Variants in ACBD6 observed in about 807,000 individuals in gnomAD.
The protein encoded by ACBD6 is acyl-CoA binding domain containing 6, also known as acyl-CoA-binding domain-containing protein 6.
ACBD6 carries 28 observed loss-of-function variants against 37.2 expected under a neutral mutation model. The observed-to-expected ratio is 0.75, with a 90% confidence interval of 0.56 to 1.03. The LOEUF (loss-of-function observed/expected upper bound fraction) is 1.03, where lower values mean the gene tolerates loss of function less well. Among genes scored for constraint, ACBD6 ranks in the 50% least tolerant of loss-of-function variants. The pLI is 0.00. For missense variants in ACBD6, 340 were observed against 337.4 expected (o/e 1.01, Z -0.06); for synonymous variants, 113 against 126.8 (o/e 0.89, Z 0.73).
At chr1:180,286,320 C>T (rs1409451731), downstream of ACBD6, among the ~76,000 whole-genome samples, 2 of 152,046 alleles carry the variant, frequency 1.3e-5, no homozygotes, top group Non-Finnish European at 2.9e-5. Flanking sequence ...AAAATCTATA[C>T]AGTTTTAGAT....
At chr1:180,500,771 G>C (rs1451060214) in intron 1 of ACBD6, among the ~76,000 whole-genome samples, 1 of 143,732 alleles carries the variant, frequency 7.0e-6, no homozygotes, top group African/African-American at 2.6e-5. Context: ...CAGGTGGATC[G>C]TCTGAGCTCA....
At chr1:180,283,078 G>T (rs1471883753) in intron 8 of ACBD6, among the ~76,000 whole-genome samples, 1 of 142,926 alleles carries the variant, frequency 7.0e-6, no homozygotes, top group Non-Finnish European at 1.5e-5. Flanking sequence ...TGTACTCCAT[G>T]AAAGCCATGG....
At chr1:180,489,465 G>A (rs888883193) in intron 3 of ACBD6, among the ~76,000 whole-genome samples, 2 of 150,834 alleles carry the variant, frequency 1.3e-5, no homozygotes, top group African/African-American at 4.9e-5. Flanking sequence ...AGAATAGTAT[G>A]TTATATATTC....
chr1:180,500,617 CG>C (rs1651926423), intron 1 of ACBD6, among the ~76,000 whole-genome samples: 1 of 149,976 alleles, frequency 6.7e-6, no homozygotes. Context: ...TCGCTTGAAC[CG>C]GGGAGGTAGA....
intron 6 of ACBD6, among the ~76,000 whole-genome samples, chr1:180,317,756 CT>C (rs772845367): frequency 1.2e-4 from 19 of 152,128 alleles, no homozygotes; most frequent in Non-Finnish European, 2.8e-4. Context: ...CAAGTGTGAT[CT>C]TTTTGTCACT....
intron 3 of ACBD6, among the ~76,000 whole-genome samples, chr1:180,436,388 T>G (rs1649037451): frequency 6.6e-6 from 1 of 152,214 alleles, no homozygotes; most frequent in Non-Finnish European, 1.5e-5. Flanking sequence ...CATATCTTCA[T>G]GACCTGTTCC....
At chr1:180,391,392 T>C (rs1446548595) in intron 6 of ACBD6, among the ~76,000 whole-genome samples, 1 of 152,160 alleles carries the variant, frequency 6.6e-6, no homozygotes, top group Non-Finnish European at 1.5e-5. Flanking sequence ...AGAAAGTATC[T>C]GCAAATCACA....
chr1:180,274,621 G>T, intron 10 of ACBD6: 7 of 1,513,174 alleles, frequency 4.6e-6, no homozygotes, highest in Non-Finnish European at 5.3e-6. Context: ...TGGCTTGAGA[G>T]AATATCTTCA....
At chr1:180,390,186 G>A (rs1289201553) in intron 6 of ACBD6, among the ~76,000 whole-genome samples, 1 of 152,084 alleles carries the variant, frequency 6.6e-6, no homozygotes, top group Non-Finnish European at 1.5e-5. Context: ...TGTAGAAGGT[G>A]TAAGGAAGGG....
At chr1:180,442,097 C>T (rs1315520080) in intron 3 of ACBD6, among the ~76,000 whole-genome samples, 1 of 152,218 alleles carries the variant, frequency 6.6e-6, no homozygotes, top group Non-Finnish European at 1.5e-5. Flanking sequence ...CTATTGACTT[C>T]AGATTTCTGA....
chr1:180,426,426 T>C (rs1363698300), intron 4 of ACBD6, among the ~76,000 whole-genome samples: 1 of 152,198 alleles, frequency 6.6e-6, no homozygotes, highest in Non-Finnish European at 1.5e-5. Flanking sequence ...TGCAGAATCA[T>C]CTTACTCTAC....
chr1:180,314,524 T>C (rs2764433), intron 7 of ACBD6, among the ~76,000 whole-genome samples, 168 bp downstream of exon 7: 145,679 of 152,330 alleles, frequency 0.96, 69,734 homozygotes, highest in East Asian at 0.99. Context: ...GGATTACAGG[T>C]GTGAGCCCTC....
chr1:180,453,477 A>T (rs1163272674), intron 3 of ACBD6, among the ~76,000 whole-genome samples: 1 of 152,244 alleles, frequency 6.6e-6, no homozygotes, highest in African/African-American at 2.4e-5. Flanking sequence ...TTCCCTTTGA[A>T]AACTGGTGGA....
At chr1:180,286,376 C>T (rs1047746124), downstream of ACBD6, among the ~76,000 whole-genome samples, 1 of 152,128 alleles carries the variant, frequency 6.6e-6, no homozygotes, top group South Asian at 2.1e-4. Flanking sequence ...ATATCAAGTT[C>T]GAACTGCTAA....
rs553765229 is a variant in ACBD6 at position 180,411,035 on chromosome 1, T to G, written c.573+2331A>C. On this transcript the variant is annotated intron_variant, in intron 5 of 7. Transcript: ENST00000367595. The stretch of plus-strand genomic sequence containing the variant: ...TTCCAACCTTCATGGATGACACAGA[T>G]AAGGATTCAAGACTTCAGTGGAAAA... Among the ~76,000 whole-genome samples the G allele has an allele frequency of 7.9e-5, 12 of 152,276 alleles. No homozygotes were observed. In the East Asian group the frequency reaches 2.3e-3, roughly 29 times the overall value.
intron 3 of ACBD6, among the ~76,000 whole-genome samples, chr1:180,466,892 T>C (rs1650368330): frequency 6.6e-6 from 1 of 152,122 alleles, no homozygotes; most frequent in Non-Finnish European, 1.5e-5. Context: ...TTTAGAATAA[T>C]GCCCCAGTTT....
rs535320229 is a variant in ACBD6, at chr1:180,337,129, G to C, written c.664-22407C>G. ...AAACTATTCCAATTAATAGAAAAGAGGGAATCCTCCCTAACTCATTTTATG... is the reference window on the plus strand; with the variant it reads ...AAACTATTCCAATTAATAGAAAAGACGGAATCCTCCCTAACTCATTTTATG... On this transcript the variant is annotated intron_variant, in intron 6 of 7. Coordinates refer to ENST00000367595, the MANE Select transcript of ACBD6 (RefSeq NM_032360.4). Among the ~76,000 whole-genome samples, 727 of 152,264 alleles carry C rather than the reference G, an allele frequency of 4.8e-3. 5 individuals are homozygous for C. Among genetic ancestry groups the C allele is most frequent in the African/African-American group, 0.015 (606 of 41,544 alleles).
At position 180,413,386 on chromosome 1, in the gene ACBD6, C is replaced by T. The variant is rs368988217; in HGVS notation, c.553G>A (p.Val185Met). ...TKAIKSKNVDVNVKDEEGRAL... is the reference protein window; with the variant it reads ...TKAIKSKNVDMNVKDEEGRAL... ...CATACCTCTTCATCTTTCACATTCA[C>T]ATCCACATTTTTCGATTTGATGGCT... The change falls in exon 5 of 8, where the codon GTG becomes ATG. Residue 185 changes from valine (V) to methionine (M), a missense_variant. By Grantham distance (21) the Val-to-Met change is conservative (BLOSUM62 1). Transcript: ENST00000367595. 1.2e-6 allele frequency: 2 copies of T among 1,612,866 alleles called. No homozygotes were observed. Among genetic ancestry groups the T allele is most frequent in the Non-Finnish European group, 1.7e-6 (2 of 1,179,254 alleles).
intron 3 of ACBD6, among the ~76,000 whole-genome samples, chr1:180,452,608 CA>C (rs1649755772): frequency 6.6e-6 from 1 of 151,710 alleles, no homozygotes; most frequent in African/African-American, 2.4e-5. Flanking sequence ...AAAAATCCTT[CA>C]AAAAATAAAT....
Sources: gnomAD v4.1 joint callset for allele counts (sites outside exome capture counted in the v4.1 genomes callset) on GRCh38, gnomAD v4.1.1 for gene constraint, MANE v1.5 for transcripts, NCBI Gene and HGNC (gene_info 2026-07-23, HGNC 2026-07-21) for gene names.